DRD3: variants seen among roughly 807,000 people sequenced by gnomAD.
The protein encoded by DRD3 is D(3) dopamine receptor.
DRD3 carries 19 observed loss-of-function variants against 36.3 expected under a neutral mutation model. The observed-to-expected ratio is 0.52, with a 90% CI of 0.36 to 0.77. DRD3 has a LOEUF of 0.77. Among genes scored for constraint, DRD3 ranks in the 30% least tolerant of loss-of-function variants. The pLI is 0.00. For missense variants in DRD3, 465 were observed against 505.3 expected (o/e 0.92, Z 0.77); for synonymous variants, 195 against 203.7 (o/e 0.96, Z 0.36).
chr3:114,136,778 C>G (rs1476268259), intron 5 of DRD3, among the ~76,000 whole-genome samples: 2 of 152,242 alleles, frequency 1.3e-5, no homozygotes, highest in African/African-American at 4.8e-5. Context: ...CTCCAGACTC[C>G]ACTCTGCACT....
intron 5 of DRD3, among the ~76,000 whole-genome samples, chr3:114,136,566 C>T (rs1156661847): frequency 1.3e-5 from 2 of 152,180 alleles, no homozygotes; most frequent in African/African-American, 4.8e-5. Context: ...CCTCCTTAGA[C>T]CTTGGATCAG....
At chr3:114,172,642 T>A (rs1428634655) in intron 1 of DRD3, among the ~76,000 whole-genome samples, 1 of 152,140 alleles carries the variant, frequency 6.6e-6, no homozygotes, top group Non-Finnish European at 1.5e-5. Context: ...TGTTGCAGGA[T>A]TACAATCCCA....
intron 1 of DRD3, among the ~76,000 whole-genome samples, chr3:114,175,600 C>T (rs938060634): frequency 1.3e-5 from 2 of 152,160 alleles, no homozygotes; most frequent in Non-Finnish European, 2.9e-5. Flanking sequence ...TGAACAATCA[C>T]GGTTTAACCC....
In DRD3 at chr3:114,168,083, A is replaced by G. The variant is rs144133825; in HGVS notation, c.270+3640T>C. Among the ~76,000 whole-genome samples, 10 of 152,318 alleles carry G rather than the reference A, an allele frequency of 6.6e-5. No homozygotes were observed. The East Asian group carries it at 1.9e-3, about 29-fold the overall frequency. On this transcript the variant is annotated intron_variant, in intron 2 of 6. Transcript: ENST00000383673. ...AAGTTCCTGGTATGACAGCCAATGCATTCTGTTTTTTCATTTAAGCCAATT... is the reference window on the plus strand; with the variant it reads ...AAGTTCCTGGTATGACAGCCAATGCGTTCTGTTTTTTCATTTAAGCCAATT...
chr3:114,164,586 A>G (rs2077765137), intron 2 of DRD3, among the ~76,000 whole-genome samples: 1 of 152,088 alleles, frequency 6.6e-6, no homozygotes, highest in African/African-American at 2.4e-5. Flanking sequence ...CCCTCAAGTG[A>G]TTCTTATTGT....
chr3:114,143,819 G>A (rs573628712), intron 4 of DRD3, among the ~76,000 whole-genome samples: 6 of 152,188 alleles, frequency 3.9e-5, no homozygotes, highest in African/African-American at 1.4e-4. Context: ...TTAACTTTAA[G>A]TTTCTCCTCC....
intron 5 of DRD3, among the ~76,000 whole-genome samples, chr3:114,133,209 A>G (rs1311676328): frequency 3.3e-5 from 5 of 152,246 alleles, no homozygotes; most frequent in Admixed American, 6.5e-5. Context: ...GGCTGGTCGC[A>G]AACTCCTGAC....
chr3:114,160,430 TA>T (rs1476370494), intron 2 of DRD3, among the ~76,000 whole-genome samples: 1 of 152,106 alleles, frequency 6.6e-6, no homozygotes, highest in Non-Finnish European at 1.5e-5. Flanking sequence ...CATTTTTAAA[TA>T]AACACTCCTA....
intron 1 of DRD3, among the ~76,000 whole-genome samples, chr3:114,188,123 T>C (rs1407389745): frequency 6.6e-6 from 1 of 151,688 alleles, no homozygotes; most frequent in Admixed American, 6.6e-5. Flanking sequence ...TTGAATGAAA[T>C]GATAAAGAGT....
chr3:114,194,212 T>A (rs543587595), intron 1 of DRD3, among the ~76,000 whole-genome samples: 22 of 152,334 alleles, frequency 1.4e-4, no homozygotes, highest in African/African-American at 4.8e-4. Context: ...TCCATCCAAC[T>A]GGTGGTTTTG....
chr3:114,143,802 A>G (rs2077547797), intron 4 of DRD3, among the ~76,000 whole-genome samples: 2 of 152,160 alleles, frequency 1.3e-5, no homozygotes, highest in Admixed American at 1.3e-4. Flanking sequence ...CAGCTGATAG[A>G]GTTTTCTTAA....
intron 6 of DRD3, 115 bp downstream of exon 6, chr3:114,131,003 T>C: frequency 8.0e-7 from 1 of 1,251,684 alleles, no homozygotes; most frequent in Non-Finnish European, 1.1e-6. Context: ...AATTATATTG[T>C]GAACATTTGA....
intron 6 of DRD3, among the ~76,000 whole-genome samples, chr3:114,130,208 A>C (rs527342272): frequency 6.6e-6 from 1 of 152,138 alleles, no homozygotes; most frequent in Non-Finnish European, 1.5e-5. Context: ...GCAGTGAGCT[A>C]TGATTGTGCC....
intron 4 of DRD3, among the ~76,000 whole-genome samples, chr3:114,140,003 G>A (rs2077511043): frequency 6.6e-6 from 1 of 152,208 alleles, no homozygotes; most frequent in Non-Finnish European, 1.5e-5. Flanking sequence ...ATAGACAGAT[G>A]ATCCCTTTCA....
At chr3:114,193,683 G>T (rs989752432) in intron 1 of DRD3, among the ~76,000 whole-genome samples, 2 of 152,104 alleles carry the variant, frequency 1.3e-5, no homozygotes, top group South Asian at 2.1e-4. Context: ...TTCCCCAAAC[G>T]CTATCTCTCC....
In DRD3 at chr3:114,147,546, A is replaced by G; in HGVS notation, c.395T>C (p.Val132Ala). The change falls in exon 4 of 7, where the codon GTG becomes GCG. Residue 132 changes from valine to alanine, a missense_variant. By Grantham distance (64) the Val-to-Ala change is moderately conservative (BLOSUM62 0). Coordinates refer to ENST00000383673, the MANE Select transcript of DRD3 (RefSeq NM_000796.6). ...ATGCTGGTAGTGAACGGGCATGACC[A>G]CTGCAGTGTACCTGAAAAAGCAAGG... The part of the protein sequence containing the change: ...CAISIDRYTA[V>A]VMPVHYQHGT... 1 of 1,610,178 alleles carries G rather than the reference A, an allele frequency of 6.2e-7. No individual in the cohort carries two copies. Among genetic ancestry groups the G allele is most frequent in the Non-Finnish European group, 8.5e-7 (1 of 1,176,796 alleles).
intron 5 of DRD3, among the ~76,000 whole-genome samples, chr3:114,137,997 C>CA (rs36094182): frequency 0.64 from 39,734 of 62,074 alleles, 12,744 homozygotes; most frequent in Non-Finnish European, 0.67. Context: ...GACTCCGTCT[C>CA]AAAAAAAAAA....
chr3:114,191,366 A>G (rs1338676234), intron 1 of DRD3, among the ~76,000 whole-genome samples: 2 of 152,204 alleles, frequency 1.3e-5, no homozygotes, highest in African/African-American at 4.8e-5. Context: ...TGCAAAGGTC[A>G]GTGGGAAGAG....
At chr3:114,148,529 C>T (rs993067244) in intron 3 of DRD3, among the ~76,000 whole-genome samples, 9 of 152,016 alleles carry the variant, frequency 5.9e-5, no homozygotes, top group South Asian at 4.2e-4. Flanking sequence ...TCCAGCTGCC[C>T]GTAGGACTTA....
Sources: gnomAD v4.1 joint callset for allele counts (sites outside exome capture counted in the v4.1 genomes callset) on GRCh38, gnomAD v4.1.1 for gene constraint, MANE v1.5 for transcripts, NCBI Gene and HGNC (gene_info 2026-07-23, HGNC 2026-07-21) for gene names.